KIAA0825: variants seen among roughly 807,000 people sequenced by gnomAD.
The protein encoded by KIAA0825 is KIAA0825, also known as uncharacterized protein KIAA0825.
Under a neutral mutation model 147.6 loss-of-function variants are expected in KIAA0825, and 119 were observed. The observed-to-expected ratio is 0.81, with a 90% confidence interval of 0.69 to 0.94. The LOEUF is 0.94. Ranked by LOEUF, KIAA0825 falls within the 40% of genes least tolerant of loss-of-function variation. The pLI is 0.00. For synonymous variants in KIAA0825, 470 were observed against 518.1 expected, an observed-to-expected ratio of 0.91 and a Z score of 1.26; for missense variants, 1,381 against 1,472.7, an observed-to-expected ratio of 0.94 and a Z score of 1.02.
At chr5:94,384,800 A>G (rs956139717) in intron 19 of KIAA0825, among the ~76,000 whole-genome samples, 1 of 152,212 alleles carries the variant, frequency 6.6e-6, no homozygotes, top group Non-Finnish European at 1.5e-5. Context: ...CAACTTTTTC[A>G]TACATCATAT....
At chr5:94,487,953 A>AAAAACAAAAC (rs997792416) in intron 5 of KIAA0825, among the ~76,000 whole-genome samples, 6 of 152,104 alleles carry the variant, frequency 3.9e-5, no homozygotes, top group African/African-American at 1.4e-4. Context: ...ACCCTGTCTC[A>AAAAACAAAAC]AAAACAAAAC....
At chr5:94,241,735 A>G (rs778365257) in intron 20 of KIAA0825, among the ~76,000 whole-genome samples, 12 of 152,202 alleles carry the variant, frequency 7.9e-5, no homozygotes, top group Non-Finnish European at 1.0e-4. Context: ...TATCCTCTTA[A>G]AAGACTTAGA....
intron 1 of KIAA0825, among the ~76,000 whole-genome samples, chr5:94,607,334 G>A (rs775453096): frequency 6.6e-6 from 1 of 152,066 alleles, no homozygotes; most frequent in African/African-American, 2.4e-5. Context: ...GACACTTTAG[G>A]AAATCAGGCT....
rs181410989 is a variant in KIAA0825, at chr5:94,227,403, G to A, written c.3711-73279C>T. On this transcript the variant is annotated intron_variant, in intron 20 of 20. Transcript: ENST00000682413. ...CACACTCTGGGGACTGTTGTGGGGT[G>A]GGGGAAGTGGGGAGGGATAGCTTTA... Among the ~76,000 whole-genome samples the A allele has an allele frequency of 1.9e-3, 289 of 151,876 alleles. 1 individual carries two copies. Among genetic ancestry groups the A allele is most frequent in the African/African-American group, 6.8e-3 (281 of 41,380 alleles).
chr5:94,550,941 T>C (rs1190748040), intron 2 of KIAA0825, among the ~76,000 whole-genome samples: 1 of 151,228 alleles, frequency 6.6e-6, no homozygotes, highest in Non-Finnish European at 1.5e-5. Flanking sequence ...ATAATAAAAC[T>C]CACTCATATA....
chr5:94,311,675 C>T (rs1371922234), intron 20 of KIAA0825, among the ~76,000 whole-genome samples: 4 of 151,498 alleles, frequency 2.6e-5, no homozygotes, highest in African/African-American at 9.7e-5. Flanking sequence ...TTCTATTTGT[C>T]TCTAATCTCA....
intron 2 of KIAA0825, among the ~76,000 whole-genome samples, chr5:94,578,857 T>C (rs1561344717): frequency 6.6e-6 from 1 of 152,162 alleles, no homozygotes; most frequent in Non-Finnish European, 1.5e-5. Context: ...GTAACACTGC[T>C]GGCCTGAAGA....
At chr5:94,157,470 C>G (rs1214859256) in intron 20 of KIAA0825, among the ~76,000 whole-genome samples, 1 of 152,200 alleles carries the variant, frequency 6.6e-6, no homozygotes, top group African/African-American at 2.4e-5. Flanking sequence ...AAAGCCTAGA[C>G]TGAGATACTC....
chr5:94,195,495 T>C (rs1261032609), intron 20 of KIAA0825, among the ~76,000 whole-genome samples: 1 of 152,170 alleles, frequency 6.6e-6, no homozygotes, highest in Non-Finnish European at 1.5e-5. Flanking sequence ...AAAACAGATT[T>C]AGGTTCCCTG....
chr5:94,338,191 G>C (rs1273254778), intron 20 of KIAA0825, among the ~76,000 whole-genome samples: 2 of 152,176 alleles, frequency 1.3e-5, no homozygotes, highest in Non-Finnish European at 2.9e-5. Context: ...AGGTTGAATT[G>C]AATTGAGGAA....
At chr5:94,432,891 C>A (rs777564663) in intron 14 of KIAA0825, among the ~76,000 whole-genome samples, 1 of 152,004 alleles carries the variant, frequency 6.6e-6, no homozygotes, top group African/African-American at 2.4e-5. Context: ...AAAACAATAA[C>A]AGGAAAATAC....
rs150759472 is a variant in KIAA0825, at chr5:94,237,999, A to G, written c.3711-83875T>C. ...TGAAAAGTTTGCTGAAATTCATCAAATGGCACACTTAAGATTTGTACATTT... is the reference window on the plus strand; with the variant it reads ...TGAAAAGTTTGCTGAAATTCATCAAGTGGCACACTTAAGATTTGTACATTT... On this transcript the variant is annotated intron_variant, in intron 20 of 20. Transcript: ENST00000682413. Among the ~76,000 whole-genome samples the G allele has an allele frequency of 2.2e-3, 336 of 152,328 alleles. 4 individuals are homozygous for G. The highest frequency in any genetic ancestry group is 7.7e-3 in the African/African-American group (320 of 41,568).
rs560309315 is a variant in KIAA0825, at chr5:94,398,283, T to C, written c.2888-1774A>G. On this transcript the variant is annotated intron_variant, in intron 16 of 20. Transcript: ENST00000682413. The stretch of plus-strand genomic sequence containing the variant: ...TCCCCATGAACTTTATTATCCAATT[T>C]CTCTGCTGTGATAATTTTAGCTACT... Among the ~76,000 whole-genome samples the C allele has an allele frequency of 9.2e-5, 14 of 152,306 alleles. No homozygotes were observed. In the South Asian group the frequency reaches 2.5e-3, roughly 27 times the overall value.
intron 20 of KIAA0825, among the ~76,000 whole-genome samples, chr5:94,291,459 T>A (rs2150167123): frequency 6.6e-6 from 1 of 152,332 alleles, no homozygotes; most frequent in East Asian, 1.9e-4. Context: ...TCTGTTCTGT[T>A]CCATTGCTCT....
chr5:94,537,582 A>G (rs1772318294), intron 2 of KIAA0825, among the ~76,000 whole-genome samples: 1 of 144,914 alleles, frequency 6.9e-6, no homozygotes, highest in Non-Finnish European at 1.5e-5. Flanking sequence ...ACCCAGATGG[A>G]GCTTGCAGTG....
intron 20 of KIAA0825, among the ~76,000 whole-genome samples, chr5:94,273,086 A>T (rs1361000100): frequency 6.6e-6 from 1 of 152,198 alleles, no homozygotes; most frequent in Non-Finnish European, 1.5e-5. Flanking sequence ...TGGTTCTACC[A>T]TTTACTAGTC....
chr5:94,337,645 T>C (rs1781955023), intron 20 of KIAA0825, among the ~76,000 whole-genome samples: 1 of 152,174 alleles, frequency 6.6e-6, no homozygotes, highest in Non-Finnish European at 1.5e-5. Flanking sequence ...TTGGTGTATC[T>C]GAGGAATAGT....
At chr5:94,332,532 A>G (rs1781390626) in intron 20 of KIAA0825, among the ~76,000 whole-genome samples, 1 of 152,124 alleles carries the variant, frequency 6.6e-6, no homozygotes, top group Non-Finnish European at 1.5e-5. Flanking sequence ...ACCTTTATCC[A>G]TGTCCCTGCA....
chr5:94,220,132 AT>A (rs1432630194), intron 20 of KIAA0825, among the ~76,000 whole-genome samples: 6 of 151,996 alleles, frequency 3.9e-5, no homozygotes, highest in Non-Finnish European at 8.8e-5. Flanking sequence ...AAAACATTTT[AT>A]TTTTTACTTC....
Sources: gnomAD v4.1 joint callset for allele counts (sites outside exome capture counted in the v4.1 genomes callset) on GRCh38, gnomAD v4.1.1 for gene constraint, MANE v1.5 for transcripts, NCBI Gene and HGNC (gene_info 2026-07-23, HGNC 2026-07-21) for gene names.